The following ADAMTS1 variants were observed in gnomAD, a reference collection of about 807,000 sequenced individuals.
ADAMTS1 encodes the protein ADAM metallopeptidase with thrombospondin type 1 motif 1.
A neutral mutation model predicts 87.9 loss-of-function variants in ADAMTS1; 19 were observed. That is an observed-to-expected ratio of 0.22 (90% CI 0.15 to 0.32). ADAMTS1 has a LOEUF of 0.32. Ranked by LOEUF, ADAMTS1 falls within the 10% of genes least tolerant of loss-of-function variation. The pLI is 1.00. For synonymous variants in ADAMTS1, 542 were observed against 501.8 expected, an observed-to-expected ratio of 1.08 and a Z score of -1.07; for missense variants, 1,240 against 1,259.1, an observed-to-expected ratio of 0.98 and a Z score of 0.23.
chr21:26,840,581 C>G lies in ADAMTS1; in HGVS notation c.1379-19G>C, dbSNP rs1375730882. ...CATTCCCCTGCAAAGGAAATGCCAA[C>G]CAATATCAATACAGAGTTAGTGAGG... On this transcript the variant is annotated intron_variant, in intron 4 of 8. Coordinates refer to ENST00000284984, the MANE Select transcript of ADAMTS1 (RefSeq NM_006988.5). 2.5e-6 allele frequency: 4 copies of G among 1,610,594 alleles called. No individual in the cohort carries two copies. Among genetic ancestry groups the G allele is most frequent in the South Asian group, 1.1e-5 (1 of 90,596 alleles).
At position 26,844,620 on chromosome 21, in the gene ADAMTS1, T is replaced by C. The variant is rs770910457; in HGVS notation, c.335A>G (p.Glu112Gly). Reference sequence around the variant, plus strand: ...CAGGTCGGTTTCCGGAAGCGGCGTCTCGGACCCGGATTTGCGCCCCACGTT... The same window carrying C: ...CAGGTCGGTTTCCGGAAGCGGCGTCCCGGACCCGGATTTGCGCCCCACGTT... ...LQNVGRKSGS[E>G]TPLPETDLAH... is the part of the protein sequence containing the mutation. The change falls in exon 1 of 9, where the codon GAG (glutamate) becomes GGG (glycine). Residue 112 changes from glutamate (E) to glycine (G), a missense_variant. Physicochemically the swap from Glu to Gly is moderately conservative, Grantham distance 98 (BLOSUM62 -2). Around this residue, in one of 3 missense-constraint regions of ADAMTS1, gnomAD observed 521 missense variants for 449.7 expected, o/e 1.16. Coordinates refer to ENST00000284984, the MANE Select transcript of ADAMTS1 (RefSeq NM_006988.5). 4 of 1,609,054 alleles carry C rather than the reference T, an allele frequency of 2.5e-6. No homozygotes were observed. Among genetic ancestry groups the C allele is most frequent in the African/African-American group, 2.7e-5 (2 of 74,864 alleles).
In ADAMTS1 at chr21:26,841,124, C is replaced by A; in HGVS notation, c.1252G>T (p.Ala418Ser). 6.2e-7 allele frequency: 1 copy of A among 1,614,188 alleles called. No homozygotes were observed. The highest frequency in any genetic ancestry group is 8.5e-7 in the Non-Finnish European group (1 of 1,180,038). Residue 418 changes from alanine to serine, a missense_variant, in exon 4 of 9, where the codon GCC (alanine) becomes TCC (serine). Physicochemically the swap from Ala to Ser is moderately conservative, Grantham distance 99 (BLOSUM62 1). Coordinates refer to ENST00000284984, the MANE Select transcript of ADAMTS1 (RefSeq NM_006988.5). ...NMPHDDAKQC[A>S]SLNGVNQDSH... Reference sequence around the variant, plus strand: ...TCCTGGTTCACACCATTAAGGCTGGCACACTGCTTTGCATCATCATGTGGC... The same window carrying A: ...TCCTGGTTCACACCATTAAGGCTGGAACACTGCTTTGCATCATCATGTGGC...
chr21:26,841,875 G>C lies in ADAMTS1; in HGVS notation c.1193C>G (p.Thr398Ser). Residue 398 changes from threonine (T) to serine (S), a missense_variant, in exon 3 of 9, where the codon ACC (threonine) becomes AGC (serine). Transcript: ENST00000284984. ...AGACTTACCTAATTCATGGGCTGTG[G>C]TGAAGGCAGCTTGTAAACCATCATC... ...IEDDGLQAAF[T>S]TAHELGHVFN... 6.2e-7 allele frequency: 1 copy of C among 1,613,736 alleles called. No individual in the cohort carries two copies. The highest frequency in any genetic ancestry group is 8.5e-7 in the Non-Finnish European group (1 of 1,179,962).
rs1375135630 is a variant in ADAMTS1 at position 26,836,743 on chromosome 21, A to G, written c.*836T>C. On this transcript the variant is annotated 3_prime_UTR_variant, in exon 9 of 9. Coordinates refer to ENST00000284984, the MANE Select transcript of ADAMTS1 (RefSeq NM_006988.5). ...GATTGTACTGATTTTCATGAGACAC[A>G]AGTTACTTCTTTACATCCATATTCC... The G allele has an allele frequency of 6.6e-6, 1 of 152,492 alleles. No individual in the cohort carries two copies. The highest frequency in any genetic ancestry group is 1.5e-5 in the Non-Finnish European group (1 of 68,042). The allele number at this position is 152,492 out of a possible 1,614,324, so 9.4% of individuals were successfully genotyped here. A position where few individuals can be genotyped will look rare whatever the true frequency, so the allele number is the denominator to read the frequency against.
At chr21:26,842,017 T>C in intron 2 of ADAMTS1, 27 bp from the exon 3 acceptor site, 2 of 1,609,512 alleles carry the variant, frequency 1.2e-6, no homozygotes, top group Non-Finnish European at 1.7e-6. Context: ...TAAATACTTA[T>C]TAATAAGGGG....
chr21:26,843,340 C>T, intron 1 of ADAMTS1: 1 of 398,218 alleles, frequency 2.5e-6, no homozygotes. Context: ...GGACTGAGAC[C>T]CAACCCCTGC....
At position 26,837,328 on chromosome 21, in the gene ADAMTS1, G is replaced by A. The variant is rs970038990; in HGVS notation, c.*251C>T. ...TAACAAAAGAAATAATAATAATAATGCCCGGGGCTTTATTATGCTATATCA... is the reference window on the plus strand; with the variant it reads ...TAACAAAAGAAATAATAATAATAATACCCGGGGCTTTATTATGCTATATCA... On this transcript the variant is annotated 3_prime_UTR_variant, in exon 9 of 9. Coordinates refer to ENST00000284984, the MANE Select transcript of ADAMTS1 (RefSeq NM_006988.5). The A allele has an allele frequency of 4.8e-6, 2 of 414,654 alleles. No individual in the cohort carries two copies. The highest frequency in any genetic ancestry group is 3.5e-5 in the East Asian group (1 of 28,186). 25.7% of individuals were successfully genotyped at this position (414,654 alleles called of 1,614,324 possible).
chr21:26,840,071 G>C lies in ADAMTS1; in HGVS notation c.1666-10C>G, dbSNP rs1985459972. 2 of 1,610,928 alleles carry C rather than the reference G, an allele frequency of 1.2e-6. No homozygotes were observed. The highest frequency in any genetic ancestry group is 1.3e-5 in the African/African-American group (1 of 74,830). On this transcript the variant is annotated splice_polypyrimidine_tract_variant and intron_variant, in intron 5 of 8. Coordinates refer to ENST00000284984, the MANE Select transcript of ADAMTS1 (RefSeq NM_006988.5). ...TTCCATGAAAAGGCGTCTAAATGGA[G>C]ACATAAATCATCAGCATTAGAATTA... is the stretch of plus-strand genomic sequence containing the variant.
At chr21:26,842,294 A>G in intron 2 of ADAMTS1, 45 bp downstream of exon 2, 1 of 1,567,478 alleles carries the variant, frequency 6.4e-7, no homozygotes, top group Non-Finnish European at 8.7e-7. Context: ...TACAACGTAG[A>G]CTCCTAAGAG....
intron 1 of ADAMTS1, 45 bp downstream of exon 1, chr21:26,844,180 G>T: frequency 6.6e-7 from 1 of 1,514,482 alleles, no homozygotes; most frequent in Non-Finnish European, 8.8e-7. Context: ...GATAAAGTGA[G>T]GAGAGGAGGA....
At position 26,838,464 on chromosome 21, in the gene ADAMTS1, T is replaced by G; in HGVS notation, c.2179A>C (p.Ile727Leu). ...TTTGCACTAGTAACTGATCCTGATA[T>G]TTTTTTACAAGTAGATCCATTTCCC... ...CGGNGSTCKKISGSVTSAKPG... is the reference protein window; with the variant it reads ...CGGNGSTCKKLSGSVTSAKPG... The change falls in exon 8 of 9, where the codon ATA becomes CTA. Residue 727 changes from isoleucine (I) to leucine (L), a missense_variant. Physicochemically the swap from Ile to Leu is conservative, Grantham distance 5. This residue lies in a region of ADAMTS1 where 402 missense variants were observed against 399.1 expected (regional missense o/e 1.01). Coordinates refer to ENST00000284984, the MANE Select transcript of ADAMTS1 (RefSeq NM_006988.5). 6.2e-7 allele frequency: 1 copy of G among 1,614,158 alleles called. No homozygotes were observed. The highest frequency in any genetic ancestry group is 8.5e-7 in the Non-Finnish European group (1 of 1,180,024).
At position 26,842,569 on chromosome 21, in the gene ADAMTS1, G is replaced by A; in HGVS notation, c.847C>T (p.Leu283Phe). 6.2e-7 allele frequency: 1 copy of A among 1,614,180 alleles called. No individual in the cohort carries two copies. The highest frequency in any genetic ancestry group is 8.5e-7 in the Non-Finnish European group (1 of 1,180,040). ...CTGGCTGCCACCGAAAACAACGTGA[G>A]AAGGTAATGCTTTAGACCACTGCCG... ...FHGSGLKHYLLTLFSVAARLY... is the reference protein window; with the variant it reads ...FHGSGLKHYLFTLFSVAARLY... The change falls in exon 2 of 9, where the codon CTC becomes TTC. Residue 283 changes from leucine to phenylalanine, a missense_variant. Transcript: ENST00000284984.
intron 7 of ADAMTS1, chr21:26,838,873 T>C (rs1051899865): frequency 1.4e-4 from 50 of 364,902 alleles, no homozygotes; most frequent in African/African-American, 8.3e-4. Flanking sequence ...TCAATGAAAG[T>C]AGAGCTGTTT....
chr21:26,838,972 GA>G (rs958197986), intron 7 of ADAMTS1: 5 of 188,212 alleles, frequency 2.7e-5, no homozygotes, highest in Non-Finnish European at 5.5e-5. Flanking sequence ...GCTGAATATT[GA>G]ATCTGCAACT....
At position 26,841,084 on chromosome 21, in the gene ADAMTS1, G is replaced by A. The variant is rs759762244; in HGVS notation, c.1292C>T (p.Ala431Val). 46 of 1,614,040 alleles carry A rather than the reference G, an allele frequency of 2.8e-5. No homozygotes were observed. Among genetic ancestry groups the A allele is most frequent in the South Asian group, 4.4e-5 (4 of 91,084 alleles). The change falls in exon 4 of 9, where the codon GCG becomes GTG. Residue 431 changes from alanine to valine, a missense_variant. Physicochemically the swap from Ala to Val is moderately conservative, Grantham distance 64. This residue lies in a region of ADAMTS1 where 317 missense variants were observed against 410.3 expected (regional missense o/e 0.77). Transcript: ENST00000284984. The part of the protein sequence containing the change: ...NGVNQDSHMM[A>V]SMLSNLDHSQ... ...GTGGTCCAGGTTGGAAAGCATTGAC[G>A]CCATCATGTGGGAATCCTGGTTCAC...
chr21:26,844,085 A>G, intron 1 of ADAMTS1, 140 bp downstream of exon 1: 1 of 1,086,994 alleles, frequency 9.2e-7, no homozygotes, highest in Non-Finnish European at 1.3e-6. Context: ...CTCAAACCAC[A>G]TTCCTCCACT....
rs372686967 is a variant in ADAMTS1 at position 26,839,609 on chromosome 21, T to G, written c.2006A>C (p.Tyr669Ser). The change falls in exon 7 of 9, where the codon TAC (tyrosine) becomes TCC (serine). Residue 669 changes from tyrosine to serine, a missense_variant. Around this residue, in one of 3 missense-constraint regions of ADAMTS1, gnomAD observed 402 missense variants for 399.1 expected, o/e 1.01. Transcript: ENST00000284984. Reference protein sequence around the residue: ...KLICQAKGIGYFFVLQPKVVD... With the variant: ...KLICQAKGIGSFFVLQPKVVD... ...TACCTTGGGCTGCAAAACGAAGAAG[T>G]AGCCAATGCCTTTGGCTTGGCAGAT... 6.2e-7 allele frequency: 1 copy of G among 1,603,762 alleles called. No homozygotes were observed. The highest frequency in any genetic ancestry group is 1.3e-5 in the African/African-American group (1 of 74,684).
At chr21:26,844,124 T>C (rs1985555217) in intron 1 of ADAMTS1, 101 bp downstream of exon 1, 2 of 1,408,952 alleles carry the variant, frequency 1.4e-6, no homozygotes, top group African/African-American at 1.4e-5. Context: ...CGCGGACTTA[T>C]GATCCTGCCT....
intron 7 of ADAMTS1, 199 bp downstream of exon 7, chr21:26,839,388 T>TA: frequency 2.0e-6 from 1 of 511,528 alleles, no homozygotes; most frequent in Non-Finnish European, 3.4e-6. Flanking sequence ...TGTGAAGTGT[T>TA]AGATTTAAGC....
Sources: allele counts gnomAD v4.1 joint callset, GRCh38; gene constraint gnomAD v4.1.1; regional missense constraint gnomAD v4.1.1; transcripts MANE v1.5; gene names NCBI Gene and HGNC (gene_info 2026-07-23, HGNC 2026-07-21).